The following UNC13C variants were observed in gnomAD, a reference collection of about 807,000 sequenced individuals.
UNC13C encodes protein unc-13 homolog C.
Under a neutral mutation model 245.4 loss-of-function variants are expected in UNC13C, and 174 were observed. The ratio of observed to expected loss-of-function variants is 0.71; its 90% CI spans 0.63 to 0.80. UNC13C has a LOEUF of 0.80. Among genes scored for constraint, UNC13C ranks in the 30% least tolerant of loss-of-function variants. UNC13C has a pLI of 0.00. For synonymous variants in UNC13C, 992 were observed against 895.1 expected (o/e 1.11, Z -1.93); for missense variants, 2,829 against 2,602.9 (o/e 1.09, Z -1.89).
intron 2 of UNC13C, among the ~76,000 whole-genome samples, chr15:54,069,113 CAG>C (rs1339905819): frequency 6.6e-6 from 1 of 152,172 alleles, no homozygotes; most frequent in Admixed American, 6.5e-5. Context: ...GAGTAAGAGA[CAG>C]AAACAGATCT....
chr15:54,070,089 C>T (rs1181304953), intron 2 of UNC13C, among the ~76,000 whole-genome samples: 3 of 152,180 alleles, frequency 2.0e-5, no homozygotes, highest in Non-Finnish European at 2.9e-5. Context: ...TGTTGGATTC[C>T]GAAGCCCCTA....
rs1296181847 is a variant in UNC13C, at chr15:54,300,306, G to A, written c.4201G>A (p.Ala1401Thr). 6.3e-7 allele frequency: 1 copy of A among 1,588,936 alleles called. No individual in the cohort carries two copies. The highest frequency in any genetic ancestry group is 2.3e-5 in the East Asian group (1 of 44,098). Residue 1401 changes from alanine to threonine, a missense_variant, in exon 13 of 33, where the codon GCT (alanine) becomes ACT (threonine). By Grantham distance (58) the Ala-to-Thr change is moderately conservative. Coordinates refer to ENST00000260323, the MANE Select transcript of UNC13C (RefSeq NM_001080534.3). ...AGCCTGGAAGGTTTTCTTTGATGATGCTTCCCAAGAAATAGTTGATGAATT... is the reference window on the plus strand; with the variant it reads ...AGCCTGGAAGGTTTTCTTTGATGATACTTCCCAAGAAATAGTTGATGAATT... ...DEAWKVFFDD[A>T]SQEIVDEFAM...
rs545474859 is a variant in UNC13C, at chr15:54,623,147, C to T, written c.6200-648C>T. On this transcript the variant is annotated intron_variant, in intron 31 of 32. Coordinates refer to ENST00000260323, the MANE Select transcript of UNC13C (RefSeq NM_001080534.3). ...TAGTGATTTTAATTATAAGACACTT[C>T]GCTTGAGGATGAGCAAAGATATTTA... Among the ~76,000 whole-genome samples the T allele has an allele frequency of 2.6e-4, 39 of 152,180 alleles. No homozygotes were observed. In the South Asian group the frequency reaches 6.2e-3, roughly 24 times the overall value.
At chr15:54,424,000 C>A (rs1373293501) in intron 19 of UNC13C, among the ~76,000 whole-genome samples, 1 of 151,520 alleles carries the variant, frequency 6.6e-6, no homozygotes, top group Non-Finnish European at 1.5e-5. Flanking sequence ...AAAAAGGAAA[C>A]AGAAATATTT....
chr15:54,197,010 A>G (rs1256420048), intron 4 of UNC13C, among the ~76,000 whole-genome samples: 3 of 152,154 alleles, frequency 2.0e-5, no homozygotes, highest in Non-Finnish European at 4.4e-5. Flanking sequence ...ATACATATGT[A>G]ACAAACCTGT....
At chr15:54,292,950 A>G (rs1482497771) in intron 10 of UNC13C, among the ~76,000 whole-genome samples, 1 of 148,910 alleles carries the variant, frequency 6.7e-6, no homozygotes, top group Non-Finnish European at 1.5e-5. Context: ...ATCTATCTAT[A>G]TAGATTATAT....
chr15:53,998,980 A>G (rs949141690), intron 1 of UNC13C, among the ~76,000 whole-genome samples: 2 of 151,930 alleles, frequency 1.3e-5, no homozygotes, highest in Non-Finnish European at 2.9e-5. Context: ...TAATCTTTTT[A>G]CACATTTCTA....
chr15:54,059,407 G>A (rs201386323), intron 2 of UNC13C, among the ~76,000 whole-genome samples: 1 of 152,108 alleles, frequency 6.6e-6, no homozygotes, highest in East Asian at 1.9e-4. Flanking sequence ...CAACTTGCAA[G>A]GGATGAGAAG....
intron 14 of UNC13C, among the ~76,000 whole-genome samples, chr15:54,324,230 G>A (rs1396568865): frequency 6.6e-6 from 1 of 151,920 alleles, no homozygotes; most frequent in East Asian, 1.9e-4. Context: ...CCTCTACATT[G>A]GAACCTCAGG....
At chr15:53,896,743 G>T in the UNC13C span, among the ~76,000 whole-genome samples, 1 of 152,048 alleles carries the variant, frequency 6.6e-6, no homozygotes, top group Admixed American at 6.6e-5. Flanking sequence ...AGAAAATTCT[G>T]GCTTTCTAAA....
At chr15:54,475,089 A>G (rs1892654815) in intron 19 of UNC13C, among the ~76,000 whole-genome samples, 2 of 152,038 alleles carry the variant, frequency 1.3e-5, no homozygotes, top group South Asian at 4.2e-4. Flanking sequence ...GAGAGGACAA[A>G]TAGCCAAATT....
At position 54,494,715 on chromosome 15, in the gene UNC13C, G is replaced by A; in HGVS notation, c.5041G>A (p.Ala1681Thr). The change falls in exon 20 of 33, where the codon GCT becomes ACT. Residue 1681 changes from alanine to threonine, a missense_variant. Coordinates refer to ENST00000260323, the MANE Select transcript of UNC13C (RefSeq NM_001080534.3). ...YVRELPAFKD[A>T]VPEYSLWFEP... ...GCGTGAACTTCCTGCCTTCAAGGAT[G>A]CTGTTCCTGAATACTCCTTGTAAGT... 1.2e-6 allele frequency: 2 copies of A among 1,610,168 alleles called. No homozygotes were observed. Among genetic ancestry groups the A allele is most frequent in the Non-Finnish European group, 1.7e-6 (2 of 1,178,270 alleles).
At chr15:54,077,881 T>A (rs1359489764) in intron 2 of UNC13C, among the ~76,000 whole-genome samples, 1 of 152,214 alleles carries the variant, frequency 6.6e-6, no homozygotes, top group Non-Finnish European at 1.5e-5. Context: ...GTGAGTATAT[T>A]GCAAAATGCT....
chr15:54,626,947 C>G lies in UNC13C; in HGVS notation c.6479C>G (p.Ala2160Gly). The change falls in exon 33 of 33, where the codon GCA (alanine) becomes GGA (glycine). Residue 2160 changes from alanine to glycine, a missense_variant. Coordinates refer to ENST00000260323, the MANE Select transcript of UNC13C (RefSeq NM_001080534.3). Reference sequence around the variant, plus strand: ...ACAGTCATTCAGCTACAGAACATAGCAGAAAAGGGAAGCTATGGGGCATGG... The same window carrying G: ...ACAGTCATTCAGCTACAGAACATAGGAGAAAAGGGAAGCTATGGGGCATGG... ...GMTVIQLQNI[A>G]EKGSYGAWYP... The G allele has an allele frequency of 6.2e-7, 1 of 1,613,422 alleles. No individual in the cohort carries two copies. The highest frequency in any genetic ancestry group is 1.1e-5 in the South Asian group (1 of 91,070).
At chr15:53,939,333 G>C in the UNC13C span, among the ~76,000 whole-genome samples, 2 of 152,106 alleles carry the variant, frequency 1.3e-5, no homozygotes, top group Non-Finnish European at 2.9e-5. Flanking sequence ...TTCTGAAATT[G>C]AGGCAGTAAT....
At chr15:54,041,915 G>C (rs1896821176) in intron 2 of UNC13C, among the ~76,000 whole-genome samples, 2 of 152,300 alleles carry the variant, frequency 1.3e-5, no homozygotes, top group South Asian at 4.1e-4. Context: ...CAGTGATGAA[G>C]AGGATTAGTT....
chr15:53,891,906 A>G, the UNC13C span, among the ~76,000 whole-genome samples: 1 of 152,196 alleles, frequency 6.6e-6, no homozygotes, highest in Non-Finnish European at 1.5e-5. Context: ...TGTCATTATG[A>G]TGCTGGCTGG....
At chr15:53,865,371 A>G in the UNC13C span, among the ~76,000 whole-genome samples, 1 of 152,286 alleles carries the variant, frequency 6.6e-6, no homozygotes, top group Admixed American at 6.5e-5. Flanking sequence ...TCAAGGTGTC[A>G]GCAGGTTTGG....
intron 19 of UNC13C, among the ~76,000 whole-genome samples, chr15:54,479,107 T>A (rs1892949468): frequency 6.6e-6 from 1 of 152,076 alleles, no homozygotes; most frequent in Non-Finnish European, 1.5e-5. Flanking sequence ...CAGTTGGCTA[T>A]AAATCCTTGA....
Sources: gnomAD v4.1 joint callset for allele counts (sites outside exome capture counted in the v4.1 genomes callset) on GRCh38, gnomAD v4.1.1 for gene constraint, MANE v1.5 for transcripts, NCBI Gene and HGNC (gene_info 2026-07-23, HGNC 2026-07-21) for gene names.